GRIN2A: variants seen among roughly 807,000 people sequenced by gnomAD.
GRIN2A encodes the protein glutamate ionotropic receptor NMDA type subunit 2A, also known as glutamate receptor ionotropic, NMDA 2A.
A neutral mutation model predicts 113.4 loss-of-function variants in GRIN2A; 22 were observed. The observed-to-expected ratio is 0.19, with a 90% CI of 0.14 to 0.28. The LOEUF (loss-of-function observed/expected upper bound fraction) is 0.28, where lower values mean the gene tolerates loss of function less well. Ranked by LOEUF, GRIN2A falls within the 10% of genes least tolerant of loss-of-function variation. GRIN2A has a pLI of 1.00. For synonymous variants in GRIN2A, 827 were observed against 738.4 expected, an observed-to-expected ratio of 1.12 and a Z score of -1.94; for missense variants, 1,502 against 1,887.0, an observed-to-expected ratio of 0.80 and a Z score of 3.78.
intron 2 of GRIN2A, among the ~76,000 whole-genome samples, chr16:10,015,463 C>T (rs141471811): frequency 3.1e-4 from 47 of 152,088 alleles, no homozygotes; most frequent in Non-Finnish European, 6.2e-4. Flanking sequence ...TATTTTAACT[C>T]AGTGACACAA....
chr16:9,953,868 G>A (rs2045241375), intron 2 of GRIN2A, among the ~76,000 whole-genome samples: 1 of 152,196 alleles, frequency 6.6e-6, no homozygotes, highest in Non-Finnish European at 1.5e-5. Context: ...CACAACCTCA[G>A]AGTGGTCCAG....
At chr16:10,071,729 A>C (rs2047754245) in intron 2 of GRIN2A, among the ~76,000 whole-genome samples, 1 of 152,168 alleles carries the variant, frequency 6.6e-6, no homozygotes, top group South Asian at 2.1e-4. Context: ...TGCTGCTTCT[A>C]TCACCAGTAT....
intron 2 of GRIN2A, among the ~76,000 whole-genome samples, chr16:10,042,191 TC>T (rs964326851): frequency 6.6e-6 from 1 of 152,170 alleles, no homozygotes; most frequent in African/African-American, 2.4e-5. Flanking sequence ...TTTTCAATAC[TC>T]CCCTCCTTCA....
At chr16:9,793,687 G>C (rs1018166122) in intron 11 of GRIN2A, among the ~76,000 whole-genome samples, 1 of 152,096 alleles carries the variant, frequency 6.6e-6, no homozygotes, top group Non-Finnish European at 1.5e-5. Flanking sequence ...TATTCTTAAA[G>C]ATACTAGTTA....
At chr16:10,078,597 T>A (rs1396149276) in intron 2 of GRIN2A, among the ~76,000 whole-genome samples, 1 of 152,116 alleles carries the variant, frequency 6.6e-6, no homozygotes, top group Non-Finnish European at 1.5e-5. Context: ...GGCCACGTAG[T>A]CATGTCCCCA....
At chr16:9,978,471 C>T (rs955400705) in intron 2 of GRIN2A, among the ~76,000 whole-genome samples, 2 of 152,094 alleles carry the variant, frequency 1.3e-5, no homozygotes, top group Non-Finnish European at 2.9e-5. Flanking sequence ...TTCTCCTCCT[C>T]CTCCCTATCC....
intron 3 of GRIN2A, among the ~76,000 whole-genome samples, chr16:9,904,085 G>A (rs920111532): frequency 6.6e-6 from 1 of 152,216 alleles, no homozygotes; most frequent in Non-Finnish European, 1.5e-5. Flanking sequence ...ATACCCTTAA[G>A]GAAATCAAGT....
Position 9,888,018 on chromosome 16 carries a change from G to A in GRIN2A, c.1122+2968C>T, listed in dbSNP as rs1029409291. On this transcript the variant is annotated intron_variant, in intron 4 of 12. Transcript: ENST00000330684. ...TGCAGTAGCTCAATCTTGGCTCACCGGAACCTCCACCTCCCGGATTCAAGT... is the reference window on the plus strand; with the variant it reads ...TGCAGTAGCTCAATCTTGGCTCACCAGAACCTCCACCTCCCGGATTCAAGT... Among the ~76,000 whole-genome samples the A allele has an allele frequency of 4.6e-5, 7 of 152,160 alleles. No individual in the cohort carries two copies. In the East Asian group the frequency reaches 5.8e-4, roughly 13 times the overall value.
At chr16:9,828,770 G>C (rs927699832) in intron 9 of GRIN2A, among the ~76,000 whole-genome samples, 2 of 152,048 alleles carry the variant, frequency 1.3e-5, no homozygotes, top group African/African-American at 4.8e-5. Flanking sequence ...TTACTGATGT[G>C]GGAAGTACAG....
intron 4 of GRIN2A, among the ~76,000 whole-genome samples, chr16:9,861,930 G>C (rs907603679): frequency 6.6e-6 from 1 of 152,184 alleles, no homozygotes; most frequent in Non-Finnish European, 1.5e-5. Context: ...GAGGTGGTGG[G>C]ATTATGAAGC....
In GRIN2A at chr16:9,938,128, A is replaced by G; in HGVS notation, c.838T>C (p.Ser280Pro). ...KEFPSGLISV[S>P]YDDWDYSLEA... ...AGGCTGTAGTCCCAGTCATCGTAGG[A>G]GACAGAAATGAGTCCCGATGGAAAC... is the stretch of plus-strand genomic sequence containing the variant. Residue 280 changes from serine to proline, a missense_variant, in exon 3 of 13, where the codon TCC becomes CCC. Ser to Pro is a moderately conservative substitution (Grantham distance 74, BLOSUM62 -1). Transcript: ENST00000330684. 6.2e-7 allele frequency: 1 copy of G among 1,614,076 alleles called. No homozygotes were observed. Among genetic ancestry groups the G allele is most frequent in the Non-Finnish European group, 8.5e-7 (1 of 1,179,998 alleles).
At chr16:9,916,476 G>C (rs145156369) in intron 3 of GRIN2A, among the ~76,000 whole-genome samples, 19 of 152,280 alleles carry the variant, frequency 1.2e-4, no homozygotes, top group African/African-American at 4.6e-4. Flanking sequence ...ACCACTTATT[G>C]GGAAGGAAGG....
intron 2 of GRIN2A, among the ~76,000 whole-genome samples, chr16:9,982,213 G>A (rs1172201396): frequency 6.6e-6 from 1 of 152,186 alleles, no homozygotes; most frequent in African/African-American, 2.4e-5. Context: ...CATCTAACAG[G>A]CTTATGCCCC....
At chr16:9,856,690 G>A (rs890534228) in intron 4 of GRIN2A, among the ~76,000 whole-genome samples, 7 of 150,370 alleles carry the variant, frequency 4.7e-5, no homozygotes, top group African/African-American at 7.3e-5. Context: ...CTACTATTCC[G>A]AAAGCTTTAA....
chr16:10,102,282 G>A (rs150940119), intron 2 of GRIN2A, among the ~76,000 whole-genome samples: 15 of 152,320 alleles, frequency 9.8e-5, no homozygotes, highest in Non-Finnish European at 1.8e-4. Context: ...GTGAGCTCTC[G>A]CTCTTAGTTC....
intron 11 of GRIN2A, among the ~76,000 whole-genome samples, chr16:9,779,468 T>A (rs1901810530): frequency 6.6e-6 from 1 of 151,996 alleles, no homozygotes; most frequent in East Asian, 1.9e-4. Flanking sequence ...AGGAGCTTAA[T>A]GGGCATCGGA....
intron 2 of GRIN2A, among the ~76,000 whole-genome samples, chr16:10,149,158 T>A (rs2049510664): frequency 6.6e-6 from 1 of 152,226 alleles, no homozygotes. Context: ...GGTATTTGAA[T>A]GCACAAGAGA....
intron 2 of GRIN2A, among the ~76,000 whole-genome samples, chr16:10,139,299 C>T (rs1389386186): frequency 6.6e-6 from 1 of 152,148 alleles, no homozygotes; most frequent in Non-Finnish European, 1.5e-5. Context: ...CCACCAAACC[C>T]CAACAGGTGT....
chr16:10,178,790 G>T (rs1178902756), intron 2 of GRIN2A, among the ~76,000 whole-genome samples: 1 of 152,210 alleles, frequency 6.6e-6, no homozygotes, highest in African/African-American at 2.4e-5. Context: ...GAATATAAAA[G>T]TGCTTTGAGA....
Sources: allele counts gnomAD v4.1 joint callset (sites outside exome capture counted in the v4.1 genomes callset), GRCh38; gene constraint gnomAD v4.1.1; transcripts MANE v1.5; gene names NCBI Gene and HGNC (gene_info 2026-07-23, HGNC 2026-07-21).